Variants in TIPARP observed in about 807,000 individuals in gnomAD.
The protein encoded by TIPARP is protein mono-ADP-ribosyltransferase TIPARP.
Under a neutral mutation model 56.5 loss-of-function variants are expected in TIPARP, and 12 were observed. The ratio of observed to expected loss-of-function variants is 0.21; its 90% CI spans 0.14 to 0.34. The LOEUF is 0.34. Ranked by LOEUF, TIPARP falls within the 10% of genes least tolerant of loss-of-function variation. The probability of loss-of-function intolerance (pLI) is 1.00; values close to 1 mark genes in which losing one functional copy is unlikely to be tolerated. For synonymous variants in TIPARP, 296 were observed against 265.7 expected (o/e 1.11, Z -1.11); for missense variants, 604 against 781.6 (o/e 0.77, Z 2.71).
At chr3:156,689,668 T>C (rs185715032) in intron 2 of TIPARP, among the ~76,000 whole-genome samples, 11 of 152,344 alleles carry the variant, frequency 7.2e-5, no homozygotes, top group African/African-American at 2.2e-4. Context: ...AGCCAACTTA[T>C]CCAGTCCAGT....
intron 4 of TIPARP, among the ~76,000 whole-genome samples, chr3:156,696,327 A>AT: frequency 6.6e-6 from 1 of 152,078 alleles, no homozygotes; most frequent in Non-Finnish European, 1.5e-5. Context: ...TTCATGGAAG[A>AT]TTTTTTCCTT....
intron 1 of TIPARP, chr3:156,675,759 C>G (rs1469145282): frequency 6.6e-6 from 1 of 152,052 alleles, no homozygotes; most frequent in Non-Finnish European, 1.5e-5. Flanking sequence ...GGGAGTGCCG[C>G]AGAACCCCAG....
intron 4 of TIPARP, among the ~76,000 whole-genome samples, chr3:156,697,653 A>G (rs1195419736): frequency 6.6e-6 from 1 of 152,178 alleles, no homozygotes; most frequent in African/African-American, 2.4e-5. Flanking sequence ...TTTCAACAGC[A>G]TGCGCTCATT....
chr3:156,688,397 A>C (rs1224421013), intron 2 of TIPARP, among the ~76,000 whole-genome samples: 1 of 122,852 alleles, frequency 8.1e-6, no homozygotes, highest in East Asian at 2.1e-4. Flanking sequence ...AAAAAAAAAA[A>C]CTGAAAGAAA....
intron 4 of TIPARP, among the ~76,000 whole-genome samples, chr3:156,698,538 A>G (rs1462123977): frequency 6.6e-6 from 1 of 152,208 alleles, no homozygotes; most frequent in East Asian, 1.9e-4. Flanking sequence ...AGTGTGGATG[A>G]CAGCACATCT....
intron 4 of TIPARP, among the ~76,000 whole-genome samples, chr3:156,699,859 A>C (rs1432988644): frequency 6.6e-6 from 1 of 152,178 alleles, no homozygotes; most frequent in Non-Finnish European, 1.5e-5. Context: ...CTTCAGTGAG[A>C]AAAGAGCAGA....
intron 4 of TIPARP, among the ~76,000 whole-genome samples, chr3:156,696,383 A>G (rs968723302): frequency 2.0e-5 from 3 of 152,160 alleles, no homozygotes; most frequent in African/African-American, 7.2e-5. Context: ...TTACAGGACA[A>G]CTTAGCCAAA....
At position 156,703,424 on chromosome 3, in the gene TIPARP, G is replaced by A. The variant is rs778241168; in HGVS notation, c.1248G>A (p.Gln416=). ...TGATGTTTCTTCCTCTCCATTTTAGGACACTTGGTGGGGTTCCCACACAAG... is the reference window on the plus strand; with the variant it reads ...TGATGTTTCTTCCTCTCCATTTTAGAACACTTGGTGGGGTTCCCACACAAG... ...RSCFILLPYL[Q]TLGGVPTQAP... Residue 416 remains glutamine (Q), a splice_region_variant and synonymous_variant, in exon 5 of 6, where the codon CAG becomes CAA. Transcript: ENST00000295924. 8 of 1,613,162 alleles carry A rather than the reference G, an allele frequency of 5.0e-6. No homozygotes were observed. Among genetic ancestry groups the A allele is most frequent in the Non-Finnish European group, 6.8e-6 (8 of 1,179,766 alleles).
intron 4 of TIPARP, among the ~76,000 whole-genome samples, chr3:156,697,183 G>A (rs1465332602): frequency 6.6e-6 from 1 of 152,144 alleles, no homozygotes; most frequent in East Asian, 1.9e-4. Context: ...CCATTTCTGT[G>A]ATTTTACTAG....
chr3:156,683,518 T>A (rs1046240666), intron 2 of TIPARP, among the ~76,000 whole-genome samples: 2 of 152,098 alleles, frequency 1.3e-5, no homozygotes, highest in Admixed American at 1.3e-4. Context: ...CAATTTATAG[T>A]AGTAACTCCA....
chr3:156,682,399 T>C, intron 2 of TIPARP, among the ~76,000 whole-genome samples: 1 of 152,200 alleles, frequency 6.6e-6, no homozygotes, highest in East Asian at 1.9e-4. Flanking sequence ...GGCTTAAGGC[T>C]AGAGTGTTGT....
Position 156,703,532 on chromosome 3 carries a change from T to C in TIPARP, c.1356T>C (p.Thr452=). 1.2e-6 allele frequency: 2 copies of C among 1,614,214 alleles called. No homozygotes were observed. Among genetic ancestry groups the C allele is most frequent in the Non-Finnish European group, 1.7e-6 (2 of 1,180,036 alleles). ...GVTSANFYPE[T]WVYMHPSQDF... ...CTTCAGCAAACTTTTACCCTGAAAC[T>C]TGGGTTTATATGCATCCATCTCAGG... Residue 452 remains threonine, a synonymous_variant, in exon 5 of 6, where the codon ACT becomes ACC. Coordinates refer to ENST00000295924, the MANE Select transcript of TIPARP (RefSeq NM_015508.5).
At position 156,678,183 on chromosome 3, in the gene TIPARP, T is replaced by G; in HGVS notation, c.486T>G (p.Asp162Glu). The change falls in exon 2 of 6, where the codon GAT (aspartate) becomes GAG (glutamate). Residue 162 changes from aspartate to glutamate, a missense_variant. By Grantham distance (45) the Asp-to-Glu change is conservative. This residue lies in a region of TIPARP where 261 missense variants were observed against 279.2 expected (regional missense o/e 0.93). Coordinates refer to ENST00000295924, the MANE Select transcript of TIPARP (RefSeq NM_015508.5). ...CCACACCAGCTCACTTCCAGACTGA[T>G]CTTTTGCACCCAGTTTCAAGTGATG... ...ADSTPAHFQT[D>E]LLHPVSSDVP... 1 of 1,614,134 alleles carries G rather than the reference T, an allele frequency of 6.2e-7. No individual in the cohort carries two copies. Among genetic ancestry groups the G allele is most frequent in the Admixed American group, 1.7e-5 (1 of 60,022 alleles).
chr3:156,695,957 A>G lies in TIPARP; in HGVS notation c.1179A>G (p.Ser393=), dbSNP rs778809886. ...ATAACCACTACATCCTCCACAATTC[A>G]TTCTTCAGGAGAGAGATAAAAAGGA... ...MWNNHYILHN[S]FFRREIKRRP... Residue 393 remains serine (S), a synonymous_variant, in exon 4 of 6, where the codon TCA becomes TCG. Transcript: ENST00000295924. 1 of 1,611,766 alleles carries G rather than the reference A, an allele frequency of 6.2e-7. No homozygotes were observed.
intron 1 of TIPARP, chr3:156,675,749 G>C (rs565009672): frequency 6.6e-6 from 1 of 152,332 alleles, no homozygotes; most frequent in South Asian, 2.1e-4. Flanking sequence ...GCTTTTGGCC[G>C]GGAGTGCCGC....
At chr3:156,703,749 C>G in intron 5 of TIPARP, 47 bp downstream of exon 5, 2 of 1,557,290 alleles carry the variant, frequency 1.3e-6, no homozygotes, top group Non-Finnish European at 1.7e-6. Flanking sequence ...CGCAGTGGCT[C>G]AAGCCTGTAA....
At chr3:156,676,363 T>A (rs1347198185) in intron 1 of TIPARP, among the ~76,000 whole-genome samples, 1 of 152,254 alleles carries the variant, frequency 6.6e-6, no homozygotes, top group Non-Finnish European at 1.5e-5. Context: ...TTTTCTGAAT[T>A]TGATGGACTT....
intron 2 of TIPARP, among the ~76,000 whole-genome samples, chr3:156,682,748 T>G (rs1453604507): frequency 6.6e-6 from 1 of 152,200 alleles, no homozygotes; most frequent in African/African-American, 2.4e-5. Context: ...TTACTATGCC[T>G]TGTGACTTTT....
chr3:156,686,065 A>G (rs374400732), intron 2 of TIPARP, among the ~76,000 whole-genome samples: 1 of 152,338 alleles, frequency 6.6e-6, no homozygotes, highest in East Asian at 1.9e-4. Flanking sequence ...TCTAAGGTTT[A>G]ATTACTCATC....
Sources: gnomAD v4.1 joint callset for allele counts (sites outside exome capture counted in the v4.1 genomes callset) on GRCh38, gnomAD v4.1.1 for gene constraint, gnomAD v4.1.1 regional missense constraint, MANE v1.5 for transcripts, NCBI Gene and HGNC (gene_info 2026-07-23, HGNC 2026-07-21) for gene names.